The following CDH18 variants were observed in gnomAD, a reference collection of about 807,000 sequenced individuals.
CDH18 encodes cadherin 18, also known as cadherin-18.
Under a neutral mutation model 67.9 loss-of-function variants are expected in CDH18, and 31 were observed. That is an observed-to-expected ratio of 0.46 (90% CI 0.34 to 0.62). The LOEUF (loss-of-function observed/expected upper bound fraction) is 0.62. Ranked by LOEUF, CDH18 falls within the 20% of genes least tolerant of loss-of-function variation. The pLI, the probability that CDH18 is intolerant of heterozygous loss-of-function variation, is 0.01. For synonymous variants in CDH18, 362 were observed against 347.2 expected (o/e 1.04, Z -0.48); for missense variants, 890 against 975.5 (o/e 0.91, Z 1.17).
chr5:20,471,833 T>TAAAAAAAAAAAAAAAAAAAAAAAA (rs70954659), intron 1 of CDH18, among the ~76,000 whole-genome samples: 1 of 51,500 alleles, frequency 1.9e-5, no homozygotes, highest in African/African-American at 6.5e-5. Flanking sequence ...AGATTCAGTC[T>TAAAAAAAAAAAAAAAAAAAAAAAA]AAAAAAAAAA....
rs554525717 is a variant in CDH18 at position 20,166,863 on chromosome 5, C to T, written c.-518+88581G>A. Among the ~76,000 whole-genome samples, 3 of 152,250 alleles carry T rather than the reference C, an allele frequency of 2.0e-5. No individual in the cohort carries two copies. The South Asian group carries it at 6.2e-4, about 32-fold the overall frequency. On this transcript the variant is annotated intron_variant, in intron 2 of 14. Transcript: ENST00000507958. ...CTATGCAATGAATGTGCTTTATGAG[C>T]TGTGGCCAATGAATGCCCTTCTAGG...
intron 1 of CDH18, chr5:20,305,034 C>T (rs1192337570): frequency 2.5e-6 from 4 of 1,608,980 alleles, no homozygotes; most frequent in Admixed American, 3.3e-5. Context: ...AGGAGGAGGG[C>T]TGCTGACTGT....
At chr5:19,563,262 C>T (rs571999356) in intron 8 of CDH18, among the ~76,000 whole-genome samples, 1 of 152,230 alleles carries the variant, frequency 6.6e-6, no homozygotes, top group African/African-American at 2.4e-5. Context: ...ATTGGATTTG[C>T]ATTAAAATGT....
chr5:20,341,043 A>G (rs536026815), intron 1 of CDH18, among the ~76,000 whole-genome samples: 15 of 152,282 alleles, frequency 9.9e-5, no homozygotes, highest in Admixed American at 9.1e-4. Context: ...AAAAATTGGC[A>G]GGGCTACAAC....
intron 1 of CDH18, chr5:20,304,352 T>C (rs1289656050): frequency 1.3e-6 from 2 of 1,506,376 alleles, no homozygotes; most frequent in South Asian, 1.1e-5. Flanking sequence ...ATCTTTCTTG[T>C]AAAATAGTTT....
intron 4 of CDH18, among the ~76,000 whole-genome samples, chr5:19,723,397 T>C (rs1290073790): frequency 6.6e-6 from 1 of 152,186 alleles, no homozygotes; most frequent in African/African-American, 2.4e-5. Flanking sequence ...ACAATCCTTA[T>C]TAGCATATCA....
intron 8 of CDH18, 81 bp downstream of exon 8, chr5:19,571,498 A>C: frequency 8.3e-7 from 1 of 1,199,866 alleles, no homozygotes; most frequent in Non-Finnish European, 1.2e-6. Context: ...AAAACATTTT[A>C]AGTGTAATTT....
intron 3 of CDH18, among the ~76,000 whole-genome samples, chr5:19,802,154 TTGG>T (rs1777540432): frequency 6.6e-6 from 1 of 152,158 alleles, no homozygotes; most frequent in Admixed American, 6.6e-5. Flanking sequence ...TTCTTTCTGC[TTGG>T]TGTTCTTTTA....
At chr5:19,938,280 T>A (rs1328728235) in intron 2 of CDH18, among the ~76,000 whole-genome samples, 1 of 151,186 alleles carries the variant, frequency 6.6e-6, no homozygotes, top group Non-Finnish European at 1.5e-5. Flanking sequence ...AAACTTACTC[T>A]ATTGTCATGG....
chr5:19,853,702 G>A (rs967366714), intron 2 of CDH18, among the ~76,000 whole-genome samples: 2 of 152,096 alleles, frequency 1.3e-5, no homozygotes, highest in African/African-American at 2.4e-5. Flanking sequence ...GAGTGGAGGA[G>A]ATATAAGTTT....
chr5:19,897,112 T>C (rs1789429598), intron 2 of CDH18, among the ~76,000 whole-genome samples: 1 of 152,108 alleles, frequency 6.6e-6, no homozygotes. Context: ...AGAAATATAA[T>C]TCCTTAAAAG....
At chr5:19,528,507 T>C (rs904980985) in intron 9 of CDH18, among the ~76,000 whole-genome samples, 2 of 151,632 alleles carry the variant, frequency 1.3e-5, no homozygotes, top group Admixed American at 6.6e-5. Flanking sequence ...TAATGATATA[T>C]ATATTTTAAA....
At chr5:19,896,459 C>T (rs994920195) in intron 2 of CDH18, among the ~76,000 whole-genome samples, 9 of 152,086 alleles carry the variant, frequency 5.9e-5, no homozygotes, top group African/African-American at 2.2e-4. Context: ...GGGCTAGGTA[C>T]ACACATAAAA....
At chr5:19,904,268 T>A (rs1374550442) in intron 2 of CDH18, among the ~76,000 whole-genome samples, 2 of 144,660 alleles carry the variant, frequency 1.4e-5, no homozygotes, top group East Asian at 4.1e-4. Context: ...TTAGACTCTG[T>A]CAAAAAGAAA....
intron 1 of CDH18, among the ~76,000 whole-genome samples, chr5:20,415,256 G>T (rs1747193998): frequency 6.6e-6 from 1 of 151,926 alleles, no homozygotes; most frequent in African/African-American, 2.4e-5. Context: ...GCATGGTGGT[G>T]TGTGCCTGGA....
At chr5:20,055,477 A>G (rs781087062) in intron 2 of CDH18, among the ~76,000 whole-genome samples, 7 of 152,236 alleles carry the variant, frequency 4.6e-5, no homozygotes, top group Non-Finnish European at 8.8e-5. Context: ...AAGTGAGATG[A>G]GTTCTGCAAA....
intron 1 of CDH18, among the ~76,000 whole-genome samples, chr5:20,405,802 C>T (rs1159842699): frequency 6.6e-6 from 1 of 152,178 alleles, no homozygotes; most frequent in Non-Finnish European, 1.5e-5. Context: ...GAAAAGAAGA[C>T]ATTTATGCAG....
At chr5:19,874,735 A>G (rs1786745523) in intron 2 of CDH18, among the ~76,000 whole-genome samples, 8 of 152,192 alleles carry the variant, frequency 5.3e-5, no homozygotes, top group Admixed American at 5.2e-4. Flanking sequence ...TGCTCACAAG[A>G]CCTTGTCTGC....
intron 2 of CDH18, among the ~76,000 whole-genome samples, chr5:20,084,454 G>A (rs1187082264): frequency 6.6e-6 from 1 of 152,154 alleles, no homozygotes; most frequent in Non-Finnish European, 1.5e-5. Context: ...GGCATACAGT[G>A]CAAGCTGTCA....
Sources: gnomAD v4.1 joint callset for allele counts (sites outside exome capture counted in the v4.1 genomes callset) on GRCh38, gnomAD v4.1.1 for gene constraint, MANE v1.5 for transcripts, NCBI Gene and HGNC (gene_info 2026-07-23, HGNC 2026-07-21) for gene names.